The following DNAJC13 variants were observed in gnomAD, a reference collection of about 807,000 sequenced individuals.
The protein encoded by DNAJC13 is dnaJ homolog subfamily C member 13.
Under a neutral mutation model 290.5 loss-of-function variants are expected in DNAJC13, and 75 were observed. The observed-to-expected ratio is 0.26, with a 90% CI of 0.21 to 0.31. The LOEUF (loss-of-function observed/expected upper bound fraction) is 0.31. DNAJC13 is among the 10% of genes least tolerant of loss of function. The probability of loss-of-function intolerance (pLI) is 1.00; values close to 1 mark genes in which losing one functional copy is unlikely to be tolerated. For missense variants in DNAJC13, 2,260 were observed against 2,674.5 expected (o/e 0.85, Z 3.42); for synonymous variants, 862 against 892.0 (o/e 0.97, Z 0.60).
chr3:132,482,347 T>TA lies in DNAJC13; in HGVS notation c.2979+18dup, dbSNP rs778368987. On this transcript the variant is annotated intron_variant, in intron 27 of 55. Coordinates refer to ENST00000260818, the MANE Select transcript of DNAJC13 (RefSeq NM_015268.4). ...TTTCATGAGGTATGTATCTTGGAGATACTTTTGGTGAAGGTCTCAGCATTT... is the reference window on the plus strand; with the variant it reads ...TTTCATGAGGTATGTATCTTGGAGATAACTTTTGGTGAAGGTCTCAGCATTT... The TA allele has an allele frequency of 8.1e-6, 13 of 1,602,832 alleles. No homozygotes were observed. Among genetic ancestry groups the TA allele is most frequent in the Non-Finnish European group, 1.1e-5 (13 of 1,171,158 alleles).
chr3:132,419,293 G>A (rs556500612), intron 1 of DNAJC13, among the ~76,000 whole-genome samples: 1 of 152,136 alleles, frequency 6.6e-6, no homozygotes, highest in South Asian at 2.1e-4. Flanking sequence ...GAGAGGCAAT[G>A]AATATTCCTC....
intron 1 of DNAJC13, among the ~76,000 whole-genome samples, chr3:132,420,789 A>T (rs1938932297): frequency 6.6e-6 from 1 of 152,168 alleles, no homozygotes; most frequent in Non-Finnish European, 1.5e-5. Flanking sequence ...TCCTAACCAG[A>T]TTAACACAAA....
chr3:132,425,002 C>A (rs1939053679), intron 1 of DNAJC13, among the ~76,000 whole-genome samples: 1 of 152,066 alleles, frequency 6.6e-6, no homozygotes, highest in Non-Finnish European at 1.5e-5. Context: ...TTAGTTGTAG[C>A]TATTTAATCT....
At chr3:132,478,566 GA>G (rs1934549102) in intron 24 of DNAJC13, among the ~76,000 whole-genome samples, 1 of 152,122 alleles carries the variant, frequency 6.6e-6, no homozygotes, top group Non-Finnish European at 1.5e-5. Context: ...TTCCAAAAAA[GA>G]AACCTTGAGT....
chr3:132,480,927 G>A (rs1934646452), intron 26 of DNAJC13, among the ~76,000 whole-genome samples: 1 of 152,182 alleles, frequency 6.6e-6, no homozygotes, highest in South Asian at 2.1e-4. Context: ...GTAAGGAGAT[G>A]TGTCATGTTA....
At chr3:132,480,303 C>G in intron 25 of DNAJC13, 66 bp from the exon 26 acceptor site, 2 of 1,061,332 alleles carry the variant, frequency 1.9e-6, no homozygotes, top group Non-Finnish European at 2.9e-6. Flanking sequence ...GGGAAAGGTA[C>G]TATTGGGATA....
At chr3:132,459,492 G>A (rs944628149) in intron 13 of DNAJC13, among the ~76,000 whole-genome samples, 3 of 152,124 alleles carry the variant, frequency 2.0e-5, no homozygotes, top group African/African-American at 4.8e-5. Flanking sequence ...AAGTTCTAGC[G>A]ATGGGTGGTG....
chr3:132,451,927 C>T (rs1933428064), intron 6 of DNAJC13, among the ~76,000 whole-genome samples: 1 of 152,158 alleles, frequency 6.6e-6, no homozygotes. Context: ...TAGTTTCCCT[C>T]ATCTAGGAAC....
At chr3:132,479,174 C>T (rs1485103008) in intron 24 of DNAJC13, 53 bp from the exon 25 acceptor site, 11 of 1,182,412 alleles carry the variant, frequency 9.3e-6, no homozygotes, top group East Asian at 2.4e-5. Flanking sequence ...AATAGTAATA[C>T]CTTAATTTTT....
intron 55 of DNAJC13, among the ~76,000 whole-genome samples, chr3:132,537,694 G>A (rs1936639253): frequency 6.6e-6 from 1 of 152,208 alleles, no homozygotes; most frequent in Non-Finnish European, 1.5e-5. Context: ...AGCAACCCTT[G>A]TTCGTTTGGT....
intron 1 of DNAJC13, among the ~76,000 whole-genome samples, chr3:132,420,928 C>G (rs1938937350): frequency 6.6e-6 from 1 of 152,028 alleles, no homozygotes; most frequent in East Asian, 1.9e-4. Context: ...AAAAAACTCC[C>G]AAGAGAAAGA....
Position 132,458,451 on chromosome 3 carries a change from A to G in DNAJC13, c.1449+1083A>G, listed in dbSNP as rs377595550. ...CTTTATTCGAACAAAAGATGTTCCTATTACCCAGGAAATTCTAATGGTAGA... is the reference window on the plus strand; with the variant it reads ...CTTTATTCGAACAAAAGATGTTCCTGTTACCCAGGAAATTCTAATGGTAGA... On this transcript the variant is annotated intron_variant, in intron 13 of 55. Coordinates refer to ENST00000260818, the MANE Select transcript of DNAJC13 (RefSeq NM_015268.4). 17 of 152,270 alleles carry G rather than the reference A, an allele frequency of 1.1e-4. No individual in the cohort carries two copies. The East Asian group carries it at 1.9e-3, about 17-fold the overall frequency. 9.4% of individuals were successfully genotyped at this position (152,270 alleles called of 1,614,324 possible).
intron 20 of DNAJC13, chr3:132,472,614 G>T (rs960243349): frequency 2.0e-6 from 2 of 984,112 alleles, no homozygotes; most frequent in Admixed American, 1.2e-4. Context: ...GCATTAAGCT[G>T]CCTGGCATGT....
chr3:132,528,427 A>G, intron 54 of DNAJC13, 95 bp downstream of exon 54: 2 of 1,460,698 alleles, frequency 1.4e-6, no homozygotes, highest in African/African-American at 1.4e-5. Context: ...ACTTACAGAT[A>G]TGGTTCTGTT....
chr3:132,441,527 G>A (rs1933070342), intron 2 of DNAJC13, among the ~76,000 whole-genome samples: 1 of 152,174 alleles, frequency 6.6e-6, no homozygotes, highest in Non-Finnish European at 1.5e-5. Context: ...CTCCACTGAA[G>A]GGATTGAGGA....
Position 132,460,450 on chromosome 3 carries a change from T to A in DNAJC13, c.1557+93T>A, listed in dbSNP as rs1247262911. 30 of 792,566 alleles carry A rather than the reference T, an allele frequency of 3.8e-5. No individual in the cohort carries two copies. The Admixed American group carries it at 6.7e-4, about 18-fold the overall frequency. The allele number at this position is 792,566 out of a possible 1,614,324, so 49.1% of individuals were successfully genotyped here. A position where few individuals can be genotyped will look rare whatever the true frequency, so the allele number is the denominator to read the frequency against. On this transcript the variant is annotated intron_variant, in intron 14 of 55. Coordinates refer to ENST00000260818, the MANE Select transcript of DNAJC13 (RefSeq NM_015268.4). ...CCACGTGGATGATTTTTTTTTTTTT[T>A]ATTGTAGCCCCCAGCTTTGGTCAGT...
intron 35 of DNAJC13, among the ~76,000 whole-genome samples, chr3:132,495,425 C>T (rs112422201): frequency 1.3e-5 from 2 of 152,194 alleles, no homozygotes; most frequent in African/African-American, 4.8e-5. Context: ...AGAATTAACT[C>T]TAATGGGCAA....
At chr3:132,460,436 A>ATTT in intron 14 of DNAJC13, 79 bp downstream of exon 14, 2 of 758,038 alleles carry the variant, frequency 2.6e-6, no homozygotes, top group South Asian at 2.0e-5. Flanking sequence ...CACGTGGATG[A>ATTT]TTTTTTTTTT....
intron 20 of DNAJC13, among the ~76,000 whole-genome samples, chr3:132,471,297 A>ACC (rs1370871764): frequency 1.3e-5 from 1 of 75,582 alleles, no homozygotes; most frequent in Non-Finnish European, 2.7e-5. Flanking sequence ...GGGGGGGCTG[A>ACC]CCCCCCACCT....
Sources: gnomAD v4.1 joint callset for allele counts (sites outside exome capture counted in the v4.1 genomes callset) on GRCh38, gnomAD v4.1.1 for gene constraint, MANE v1.5 for transcripts, NCBI Gene and HGNC (gene_info 2026-07-23, HGNC 2026-07-21) for gene names.